CFAP77: variants seen among roughly 807,000 people sequenced by gnomAD.
CFAP77 encodes cilia- and flagella-associated protein 77.
CFAP77 carries 25 observed loss-of-function variants against 31.1 expected under a neutral mutation model. That is an observed-to-expected ratio of 0.80 (90% CI 0.59 to 1.12). The LOEUF (loss-of-function observed/expected upper bound fraction) is 1.12, where lower values mean the gene tolerates loss of function less well. CFAP77 is among the 50% of genes most tolerant of loss of function. The probability of loss-of-function intolerance (pLI) is 0.00; values close to 1 mark genes in which losing one functional copy is unlikely to be tolerated. For missense variants in CFAP77, 377 were observed against 397.3 expected (o/e 0.95, Z 0.44); for synonymous variants, 151 against 159.9 (o/e 0.94, Z 0.42).
chr9:132,509,792 G>T (rs1306908495), intron 3 of CFAP77, among the ~76,000 whole-genome samples: 4 of 152,018 alleles, frequency 2.6e-5, no homozygotes, highest in African/African-American at 7.2e-5. Context: ...AAAAGGTGGG[G>T]GACAGGCAGG....
At chr9:132,487,671 A>T (rs1278916559) in intron 1 of CFAP77, among the ~76,000 whole-genome samples, 6 of 127,384 alleles carry the variant, frequency 4.7e-5, no homozygotes, top group South Asian at 2.4e-4. Flanking sequence ...ACTTGACATT[A>T]CTTTATACGC....
At chr9:132,463,552 G>C (rs1779263598) in intron 1 of CFAP77, among the ~76,000 whole-genome samples, 1 of 152,216 alleles carries the variant, frequency 6.6e-6, no homozygotes, top group Non-Finnish European at 1.5e-5. Flanking sequence ...CCACACAGCA[G>C]AGGTTACTCA....
At chr9:132,533,711 T>C (rs1355480765) in intron 3 of CFAP77, among the ~76,000 whole-genome samples, 1 of 151,982 alleles carries the variant, frequency 6.6e-6, no homozygotes, top group Non-Finnish European at 1.5e-5. Flanking sequence ...CCAAACCCCA[T>C]CTCTTCTAAA....
intron 5 of CFAP77, among the ~76,000 whole-genome samples, chr9:132,561,650 CA>C (rs1356323083): frequency 1.7e-3 from 177 of 103,840 alleles, no homozygotes; most frequent in African/African-American, 5.0e-3. Context: ...CACACACACA[CA>C]CACACACACA....
At chr9:132,541,440 A>G (rs556115954) in intron 4 of CFAP77, among the ~76,000 whole-genome samples, 1 of 152,324 alleles carries the variant, frequency 6.6e-6, no homozygotes, top group African/African-American at 2.4e-5. Flanking sequence ...CCTTCTAGAC[A>G]TGACCAGGTG....
rs1034696802 is a variant in CFAP77 at position 132,424,260 on chromosome 9, G to A, written c.195+13794G>A. ...TCTCCTAAAATTACAAAAATTAGCC[G>A]GCATGGCCTCGGGTGCCTGTAGTCC... is the stretch of plus-strand genomic sequence containing the variant. On this transcript the variant is annotated intron_variant, in intron 1 of 5. Transcript: ENST00000393216. This position sits in a 1 kb window ranked among gnomAD's most constrained non-coding sequence, Gnocchi z 4.1. Among the ~76,000 whole-genome samples the A allele has an allele frequency of 2.6e-5, 4 of 152,126 alleles. No homozygotes were observed. Among genetic ancestry groups the A allele is most frequent in the African/African-American group, 4.8e-5 (2 of 41,408 alleles).
At chr9:132,563,787 A>G (rs988334886) in intron 5 of CFAP77, among the ~76,000 whole-genome samples, 8 of 152,162 alleles carry the variant, frequency 5.3e-5, no homozygotes, top group Non-Finnish European at 1.2e-4. Context: ...CCTTCCCGTT[A>G]TTACCAATCC....
chr9:132,560,144 G>A (rs1852969910), intron 5 of CFAP77, among the ~76,000 whole-genome samples: 2 of 152,138 alleles, frequency 1.3e-5, no homozygotes, highest in Admixed American at 6.5e-5. Flanking sequence ...AATTGGTGAG[G>A]TTTATGGTAT....
At chr9:132,419,911 A>C (rs1850180606) in intron 1 of CFAP77, among the ~76,000 whole-genome samples, 1 of 152,148 alleles carries the variant, frequency 6.6e-6, no homozygotes, top group Non-Finnish European at 1.5e-5. Flanking sequence ...CTGTAATCCC[A>C]GTACTTTGGG....
chr9:132,463,159 T>C (rs1851090055), intron 1 of CFAP77, among the ~76,000 whole-genome samples: 1 of 152,206 alleles, frequency 6.6e-6, no homozygotes, highest in Non-Finnish European at 1.5e-5. Context: ...TCTCAGGTGC[T>C]GTGGATGACG....
chr9:132,486,089 TA>T (rs377094826), intron 1 of CFAP77, among the ~76,000 whole-genome samples: 1,634 of 24,628 alleles, frequency 0.066, 479 homozygotes, highest in South Asian at 0.14. Flanking sequence ...TATATATATA[TA>T]TTTTTTTTTT....
Position 132,490,252 on chromosome 9 carries a change from G to A in CFAP77, c.196-8443G>A, listed in dbSNP as rs1195881252. 6.6e-6 allele frequency among the ~76,000 whole-genome samples: 1 copy of A among 152,154 alleles called. No homozygotes were observed. The highest frequency in any genetic ancestry group is 1.5e-5 in the Non-Finnish European group (1 of 68,028). ...AAAGGCCACACCCCTGAATACTGTT[G>A]CATTGGGATTAAGTTTCAGCATGAC... On this transcript the variant is annotated intron_variant, in intron 1 of 5. Transcript: ENST00000393216. The surrounding 1 kb of genome is among the most constrained non-coding windows in gnomAD (Gnocchi z 4.6).
At chr9:132,420,566 CAGG>C (rs1327511653) in intron 1 of CFAP77, among the ~76,000 whole-genome samples, 3 of 150,992 alleles carry the variant, frequency 2.0e-5, no homozygotes, top group African/African-American at 7.3e-5. Context: ...GAGGCTGAGG[CAGG>C]AGAATTGCTT....
chr9:132,562,450 A>G (rs1392030175), intron 5 of CFAP77, among the ~76,000 whole-genome samples: 2 of 152,158 alleles, frequency 1.3e-5, no homozygotes, highest in Non-Finnish European at 2.9e-5. Context: ...GGAGCTAAAC[A>G]GGGAAGCGTT....
chr9:132,531,823 C>CT (rs1852458958), intron 3 of CFAP77, among the ~76,000 whole-genome samples: 1 of 152,160 alleles, frequency 6.6e-6, no homozygotes, highest in South Asian at 2.1e-4. Context: ...GTCGGTTACT[C>CT]TCATGCCCCA....
At chr9:132,533,247 A>G (rs72767818) in intron 3 of CFAP77, among the ~76,000 whole-genome samples, 147 of 152,342 alleles carry the variant, frequency 9.6e-4, no homozygotes, top group Non-Finnish European at 1.7e-3. Context: ...TGTTCCGGTC[A>G]CTGGCCGTGT....
chr9:132,562,092 C>G (rs1358551260), intron 5 of CFAP77, among the ~76,000 whole-genome samples: 1 of 152,238 alleles, frequency 6.6e-6, no homozygotes, highest in East Asian at 1.9e-4. Context: ...TCACCCACCA[C>G]TGGCGGCTAC....
At chr9:132,561,657 A>ACC (rs1829811520) in intron 5 of CFAP77, among the ~76,000 whole-genome samples, 2 of 78,172 alleles carry the variant, frequency 2.6e-5, no homozygotes, top group South Asian at 7.4e-4. Context: ...ACACACACAC[A>ACC]CACACCCCCT....
chr9:132,541,307 T>C (rs1047178630), intron 4 of CFAP77, among the ~76,000 whole-genome samples: 4 of 152,216 alleles, frequency 2.6e-5, no homozygotes, highest in Non-Finnish European at 4.4e-5. Context: ...TGGCACCCTA[T>C]TGCTAGCAGA....
Sources: allele counts gnomAD v4.1 joint callset (sites outside exome capture counted in the v4.1 genomes callset), GRCh38; gene constraint gnomAD v4.1.1; non-coding constraint Gnocchi (gnomAD v3.1); transcripts MANE v1.5; gene names NCBI Gene and HGNC (gene_info 2026-07-23, HGNC 2026-07-21).